The following P2RY14 variants were observed in gnomAD, a reference collection of about 807,000 sequenced individuals.
P2RY14 encodes the protein purinergic receptor P2Y14, also known as P2Y purinoceptor 14.
P2RY14 carries 2 observed loss-of-function variants against 0.9 expected under a neutral mutation model. The ratio of observed to expected loss-of-function variants is 2.16; its 90% CI spans 0.88 to 6.79. P2RY14 has a LOEUF of 6.79. Ranked by LOEUF, P2RY14 falls within the 30% of genes most tolerant of loss-of-function variation. The probability of loss-of-function intolerance (pLI) is 0.05; values close to 1 mark genes in which losing one functional copy is unlikely to be tolerated. For synonymous variants in P2RY14, 158 were observed against 147.2 expected (o/e 1.07, Z -0.53); for missense variants, 378 against 400.1 (o/e 0.94, Z 0.47).
chr3:151,242,778 C>G (rs932002888), intron 1 of P2RY14, among the ~76,000 whole-genome samples: 1 of 152,050 alleles, frequency 6.6e-6, no homozygotes, highest in African/African-American at 2.4e-5. Flanking sequence ...ATGACTTTGA[C>G]GAGCTGAGAG....
intron 1 of P2RY14, among the ~76,000 whole-genome samples, chr3:151,271,095 A>C (rs1177569179): frequency 6.6e-6 from 1 of 152,092 alleles, no homozygotes; most frequent in Non-Finnish European, 1.5e-5. Context: ...CAAGCCATAG[A>C]TTGGGGAGTA....
intron 1 of P2RY14, among the ~76,000 whole-genome samples, chr3:151,277,786 G>A (rs939751146): frequency 6.6e-6 from 1 of 152,054 alleles, no homozygotes; most frequent in Non-Finnish European, 1.5e-5. Flanking sequence ...GTGTTAATGG[G>A]GTTAACTTAT....
intron 1 of P2RY14, among the ~76,000 whole-genome samples, chr3:151,247,962 C>CTTTTTTTTTTTTTTTTTTTTTTTT (rs61102632): frequency 5.3e-5 from 4 of 75,902 alleles, no homozygotes; most frequent in Non-Finnish European, 9.8e-5. Flanking sequence ...TCTTCTTCTT[C>CTTTTTTTTTTTTTTTTTTTTTTTT]TTTTTTTTTT....
intron 1 of P2RY14, among the ~76,000 whole-genome samples, chr3:151,228,992 C>G (rs993327053): frequency 3.3e-5 from 5 of 152,172 alleles, no homozygotes; most frequent in African/African-American, 9.7e-5. Flanking sequence ...GCTGTTAGAC[C>G]ATTAGTGGTT....
At chr3:151,237,643 G>T (rs375876932) in intron 1 of P2RY14, among the ~76,000 whole-genome samples, 5 of 152,038 alleles carry the variant, frequency 3.3e-5, no homozygotes, top group African/African-American at 1.2e-4. Context: ...GAGCCACTGC[G>T]CCCAGCCGCC....
chr3:151,275,601 G>A (rs373397487), intron 1 of P2RY14, among the ~76,000 whole-genome samples: 99 of 152,066 alleles, frequency 6.5e-4, no homozygotes, highest in African/African-American at 2.2e-3. Flanking sequence ...TTGGTGTTTC[G>A]GTGAATTAAT....
chr3:151,228,606 T>C (rs1252562675), intron 1 of P2RY14, among the ~76,000 whole-genome samples: 2 of 152,200 alleles, frequency 1.3e-5, no homozygotes, highest in African/African-American at 4.8e-5. Context: ...TGGGAGAGGT[T>C]TTGCTTCTGA....
chr3:151,274,887 G>A (rs1336899264), intron 1 of P2RY14, among the ~76,000 whole-genome samples: 1 of 152,164 alleles, frequency 6.6e-6, no homozygotes, highest in Non-Finnish European at 1.5e-5. Flanking sequence ...CTCATTGTAA[G>A]GAATCAGTGT....
chr3:151,264,766 C>CGT, intron 1 of P2RY14, among the ~76,000 whole-genome samples: 1 of 152,106 alleles, frequency 6.6e-6, no homozygotes, highest in Non-Finnish European at 1.5e-5. Flanking sequence ...CCACCCAGTG[C>CGT]GTGTGTGTGT....
chr3:151,265,914 A>G (rs1739737340), intron 1 of P2RY14, among the ~76,000 whole-genome samples: 1 of 152,122 alleles, frequency 6.6e-6, no homozygotes, highest in African/African-American at 2.4e-5. Flanking sequence ...CGGCCCTGAG[A>G]ATTGAAGATG....
chr3:151,243,956 G>A (rs1167284530), intron 1 of P2RY14, among the ~76,000 whole-genome samples: 2 of 146,282 alleles, frequency 1.4e-5, no homozygotes, highest in African/African-American at 5.0e-5. Flanking sequence ...AAAAAGGCAG[G>A]GGTTGCAATA....
At chr3:151,244,982 T>C (rs1248332137) in intron 1 of P2RY14, among the ~76,000 whole-genome samples, 3 of 149,848 alleles carry the variant, frequency 2.0e-5, no homozygotes, top group Non-Finnish European at 4.5e-5. Context: ...CAGATAATAC[T>C]ACAAACACCT....
At chr3:151,214,440 C>A in intron 2 of P2RY14, 100 bp from the exon 3 acceptor site, 1 of 771,960 alleles carries the variant, frequency 1.3e-6, no homozygotes. Flanking sequence ...TCAAACCTAC[C>A]AAATTTTTGA....
At chr3:151,242,143 A>G (rs1056096361) in intron 1 of P2RY14, among the ~76,000 whole-genome samples, 1 of 152,144 alleles carries the variant, frequency 6.6e-6, no homozygotes, top group African/African-American at 2.4e-5. Context: ...AGTCTCGCTG[A>G]TTGCTAGCAC....
intron 1 of P2RY14, among the ~76,000 whole-genome samples, chr3:151,234,416 C>T (rs766857783): frequency 7.2e-5 from 11 of 152,234 alleles, no homozygotes; most frequent in Non-Finnish European, 1.6e-4. Context: ...GAATCGAGGT[C>T]ATTGCCAGTT....
At chr3:151,216,960 C>T (rs1728354930) in intron 2 of P2RY14, among the ~76,000 whole-genome samples, 1 of 152,096 alleles carries the variant, frequency 6.6e-6, no homozygotes, top group Non-Finnish European at 1.5e-5. Flanking sequence ...AATTTGGTTT[C>T]CCAGTCCTAA....
intron 1 of P2RY14, among the ~76,000 whole-genome samples, chr3:151,246,230 A>C (rs567732800): frequency 2.0e-5 from 3 of 152,196 alleles, no homozygotes; most frequent in Non-Finnish European, 4.4e-5. Flanking sequence ...CATCCCCATC[A>C]AGCTACCAAT....
intron 1 of P2RY14, among the ~76,000 whole-genome samples, chr3:151,230,185 A>G (rs191801025): frequency 2.1e-3 from 314 of 152,228 alleles, no homozygotes; most frequent in Middle Eastern, 0.01. Context: ...CGTGTTAGCC[A>G]GGATTGTCTT....
chr3:151,246,637 C>T, intron 1 of P2RY14, among the ~76,000 whole-genome samples: 1 of 152,194 alleles, frequency 6.6e-6, no homozygotes, highest in Non-Finnish European at 1.5e-5. Flanking sequence ...GGATTAAAGA[C>T]TTAAACGTTA....
Sources: allele counts gnomAD v4.1 joint callset (sites outside exome capture counted in the v4.1 genomes callset), GRCh38; gene constraint gnomAD v4.1.1; transcripts MANE v1.5; gene names NCBI Gene and HGNC (gene_info 2026-07-23, HGNC 2026-07-21).